The following NAPEPLD variants were observed in gnomAD, a reference collection of about 807,000 sequenced individuals.
The protein encoded by NAPEPLD is N-acyl-phosphatidylethanolamine-hydrolyzing phospholipase D.
Under a neutral mutation model 38.1 loss-of-function variants are expected in NAPEPLD, and 23 were observed. That is an observed-to-expected ratio of 0.60 (90% confidence interval 0.43 to 0.86). NAPEPLD has a LOEUF of 0.86. Among genes scored for constraint, NAPEPLD ranks in the 40% least tolerant of loss-of-function variants. NAPEPLD has a pLI of 0.00. For missense variants in NAPEPLD, 411 were observed against 476.8 expected (o/e 0.86, Z 1.28); for synonymous variants, 147 against 162.0 (o/e 0.91, Z 0.71).
At chr7:103,132,706 G>GC (rs1353760322) in intron 1 of NAPEPLD, among the ~76,000 whole-genome samples, 1 of 152,120 alleles carries the variant, frequency 6.6e-6, no homozygotes, top group African/African-American at 2.4e-5. Context: ...GATCCCTTGA[G>GC]CCCAGGAAGT....
intron 1 of NAPEPLD, 75 bp downstream of exon 1, chr7:103,148,736 T>C (rs1429092504): frequency 1.2e-6 from 1 of 824,064 alleles, no homozygotes; most frequent in Non-Finnish European, 1.5e-6. Flanking sequence ...ACACTATAGA[T>C]GAAGCAACAA....
chr7:103,136,048 G>T (rs1466548580), intron 1 of NAPEPLD, among the ~76,000 whole-genome samples: 1 of 152,016 alleles, frequency 6.6e-6, no homozygotes, highest in African/African-American at 2.4e-5. Context: ...TACTTTGGGA[G>T]GCCAAGGACA....
chr7:103,106,290 C>CT (rs1351668446), intron 4 of NAPEPLD, among the ~76,000 whole-genome samples: 1 of 152,090 alleles, frequency 6.6e-6, no homozygotes, highest in Non-Finnish European at 1.5e-5. Context: ...CACCAGGGCC[C>CT]TGGGTTTCAA....
At chr7:103,112,559 C>T (rs1004047613) in intron 4 of NAPEPLD, among the ~76,000 whole-genome samples, 2 of 151,838 alleles carry the variant, frequency 1.3e-5, no homozygotes, top group African/African-American at 4.8e-5. Flanking sequence ...ACAATGAGAA[C>T]ACATGGACAC....
intron 4 of NAPEPLD, among the ~76,000 whole-genome samples, chr7:103,107,946 G>A (rs372260428): frequency 2.0e-5 from 3 of 152,016 alleles, no homozygotes; most frequent in African/African-American, 4.8e-5. Flanking sequence ...ACACATAATC[G>A]TCAGATTCAT....
At chr7:103,138,289 T>A (rs190523573) in intron 1 of NAPEPLD, among the ~76,000 whole-genome samples, 45 of 152,228 alleles carry the variant, frequency 3.0e-4, no homozygotes, top group Non-Finnish European at 4.3e-4. Flanking sequence ...ACTATCTCCA[T>A]CTCATAATTA....
intron 3 of NAPEPLD, among the ~76,000 whole-genome samples, chr7:103,116,100 C>T (rs1411555953): frequency 6.6e-6 from 1 of 151,824 alleles, no homozygotes; most frequent in African/African-American, 2.4e-5. Flanking sequence ...CTCACTCTGT[C>T]GCCCAGGCTA....
At chr7:103,104,174 A>C (rs1246728431) in intron 4 of NAPEPLD, among the ~76,000 whole-genome samples, 1 of 152,222 alleles carries the variant, frequency 6.6e-6, no homozygotes, top group Non-Finnish European at 1.5e-5. Flanking sequence ...AGTAAGCTTG[A>C]GGGAAGATGA....
chr7:103,106,830 C>G (rs1010025944), intron 4 of NAPEPLD, among the ~76,000 whole-genome samples: 3 of 152,160 alleles, frequency 2.0e-5, no homozygotes, highest in Non-Finnish European at 4.4e-5. Flanking sequence ...GCAGTTTCAG[C>G]AGACTTAAAC....
chr7:103,116,987 C>A (rs1477163), intron 3 of NAPEPLD, among the ~76,000 whole-genome samples: 2 of 152,178 alleles, frequency 1.3e-5, no homozygotes, highest in African/African-American at 4.8e-5. Flanking sequence ...AGAAGAAAGA[C>A]GTATTATTCC....
At chr7:103,135,495 T>C (rs1445443378) in intron 1 of NAPEPLD, among the ~76,000 whole-genome samples, 2 of 152,174 alleles carry the variant, frequency 1.3e-5, no homozygotes, top group Admixed American at 1.3e-4. Context: ...GGGAGAATGT[T>C]CTGTGGGAGG....
chr7:103,146,959 T>C (rs887704172), intron 1 of NAPEPLD, among the ~76,000 whole-genome samples: 1 of 152,134 alleles, frequency 6.6e-6, no homozygotes, highest in Non-Finnish European at 1.5e-5. Flanking sequence ...TTTAAAATAT[T>C]TGAAAGAGCT....
rs1460440472 is a variant in NAPEPLD, at chr7:103,100,397, C to G, written c.*3032G>C. On this transcript the variant is annotated 3_prime_UTR_variant, in exon 5 of 5. Transcript: ENST00000465647. The stretch of plus-strand genomic sequence containing the variant: ...TCATTAGTTTGAATAATCACACTCC[C>G]TAGAGATCAGAGCATTGAGTCTGAA... 6.6e-6 allele frequency: 1 copy of G among 152,152 alleles called. No homozygotes were observed. The highest frequency in any genetic ancestry group is 2.4e-5 in the African/African-American group (1 of 41,432). 9.4% of individuals were successfully genotyped at this position (152,152 alleles called of 1,614,324 possible).
chr7:103,141,880 C>G, intron 1 of NAPEPLD: 1 of 1,023,090 alleles, frequency 9.8e-7, no homozygotes, highest in Non-Finnish European at 1.6e-6. Context: ...ACCAGATATT[C>G]TTCTTGCCAC....
At chr7:103,140,365 T>C (rs1009175518) in intron 1 of NAPEPLD, among the ~76,000 whole-genome samples, 3 of 150,880 alleles carry the variant, frequency 2.0e-5, no homozygotes, top group African/African-American at 7.3e-5. Context: ...AGAGAAGGCC[T>C]GATCTTGGAA....
At chr7:103,148,763 A>C (rs191061473) in intron 1 of NAPEPLD, 48 bp downstream of exon 1, 5 of 959,310 alleles carry the variant, frequency 5.2e-6, no homozygotes. Flanking sequence ...GCTCGGAGGA[A>C]GTTGTCGACC....
Position 103,120,255 on chromosome 7 carries a change from T to C in NAPEPLD, c.295-32A>G, listed in dbSNP as rs372180029. The C allele has an allele frequency of 7.6e-6, 12 of 1,570,562 alleles. No individual in the cohort carries two copies. In the African/African-American group the frequency reaches 1.1e-4, roughly 14 times the overall value. On this transcript the variant is annotated intron_variant, in intron 2 of 4. Coordinates refer to ENST00000465647, the MANE Select transcript of NAPEPLD (RefSeq NM_001122838.3). ...GTATAAAGAAAGCAAGACAAAAGAG[T>C]AGTTAGAAAAAAAAGTATTATATCA... is the stretch of plus-strand genomic sequence containing the variant.
rs1811275953 is a variant in NAPEPLD at position 103,141,255 on chromosome 7, TTTTTTTTTTTG to T, written c.-17+7545_-17+7555del. ...CTGTGGAGTTGTTTTTTTTTTTTTT[TTTTTTTTTTTG>T]CAAGCAGATAAAGGCTTATTTTACT... On this transcript the variant is annotated intron_variant, in intron 1 of 4. Transcript: ENST00000465647. The T allele has an allele frequency of 1.8e-5, 5 of 276,372 alleles. No homozygotes were observed. In the East Asian group the frequency reaches 3.4e-4, roughly 19 times the overall value. The allele number at this position is 276,372 out of a possible 1,614,324, so 17.1% of individuals were successfully genotyped here. A position where few individuals can be genotyped will look rare whatever the true frequency, so the allele number is the denominator to read the frequency against.
Position 103,103,232 on chromosome 7 carries a change from A to G in NAPEPLD, c.*197T>C. ...AGCCAATTCATTATTTAAATGACCCACCCCTGAACCCTCTCATAGTGTACA... is the reference window on the plus strand; with the variant it reads ...AGCCAATTCATTATTTAAATGACCCGCCCCTGAACCCTCTCATAGTGTACA... On this transcript the variant is annotated 3_prime_UTR_variant, in exon 5 of 5. Coordinates refer to ENST00000465647, the MANE Select transcript of NAPEPLD (RefSeq NM_001122838.3). The G allele has an allele frequency of 2.3e-6, 1 of 435,936 alleles. No homozygotes were observed. The highest frequency in any genetic ancestry group is 3.9e-6 in the Non-Finnish European group (1 of 256,416). 27.0% of individuals were successfully genotyped at this position (435,936 alleles called of 1,614,324 possible).
Sources: gnomAD v4.1 joint callset for allele counts (sites outside exome capture counted in the v4.1 genomes callset) on GRCh38, gnomAD v4.1.1 for gene constraint, MANE v1.5 for transcripts, NCBI Gene and HGNC (gene_info 2026-07-23, HGNC 2026-07-21) for gene names.